The following CSMD1 variants were observed in gnomAD, a reference collection of about 807,000 sequenced individuals.
CSMD1 encodes CUB and Sushi multiple domains 1, also known as CUB and sushi domain-containing protein 1.
Under a neutral mutation model 417.5 loss-of-function variants are expected in CSMD1, and 213 were observed. That is an observed-to-expected ratio of 0.51 (90% confidence interval 0.46 to 0.57). The LOEUF is 0.57. CSMD1 is among the 20% of genes least tolerant of loss of function. The pLI, the probability that CSMD1 is intolerant of heterozygous loss-of-function variation, is 0.00. For synonymous variants in CSMD1, 2,862 were observed against 1,736.8 expected, an observed-to-expected ratio of 1.65 and a Z score of -16.11; for missense variants, 6,923 against 4,529.7, an observed-to-expected ratio of 1.53 and a Z score of -15.17.
chr8:3,097,961 T>C (rs1815443369), intron 46 of CSMD1, among the ~76,000 whole-genome samples: 2 of 152,190 alleles, frequency 1.3e-5, no homozygotes, highest in African/African-American at 4.8e-5. Flanking sequence ...TTTTCTCCTC[T>C]TGCTTTTTGA....
intron 1 of CSMD1, among the ~76,000 whole-genome samples, chr8:4,920,297 C>A (rs1475928419): frequency 1.3e-5 from 2 of 150,596 alleles, no homozygotes; most frequent in Non-Finnish European, 3.0e-5. Context: ...CAAGGCAGTT[C>A]AAGATAAGTC....
chr8:3,067,373 A>T (rs962238783), intron 49 of CSMD1, among the ~76,000 whole-genome samples: 1 of 152,142 alleles, frequency 6.6e-6, no homozygotes, highest in Non-Finnish European at 1.5e-5. Context: ...ATCTCATCAT[A>T]GTCCACTGTA....
chr8:3,882,593 G>C (rs948828090), intron 5 of CSMD1, among the ~76,000 whole-genome samples: 1 of 152,190 alleles, frequency 6.6e-6, no homozygotes, highest in African/African-American at 2.4e-5. Flanking sequence ...AATGTTCATA[G>C]TAGCACTATT....
At chr8:4,848,356 C>G (rs1421051757) in intron 1 of CSMD1, among the ~76,000 whole-genome samples, 1 of 152,180 alleles carries the variant, frequency 6.6e-6, no homozygotes, top group African/African-American at 2.4e-5. Flanking sequence ...GCCACCTATA[C>G]AATGGTGGTC....
At chr8:3,743,866 T>C (rs1345870493) in intron 6 of CSMD1, among the ~76,000 whole-genome samples, 3 of 152,212 alleles carry the variant, frequency 2.0e-5, no homozygotes, top group South Asian at 2.1e-4. Flanking sequence ...GTCTATGTTA[T>C]CGTATGTAAA....
chr8:4,226,450 A>G (rs1801362919), intron 3 of CSMD1, among the ~76,000 whole-genome samples: 2 of 152,196 alleles, frequency 1.3e-5, no homozygotes, highest in South Asian at 4.1e-4. Context: ...CAAAAACAGC[A>G]AAGAATTAAA....
Position 4,397,523 on chromosome 8 carries a change from CTTTTTTTTTTTT to C in CSMD1, c.415+22418_415+22429del, listed in dbSNP as rs57745028. Among the ~76,000 whole-genome samples the C allele has an allele frequency of 2.1e-3, 128 of 59,974 alleles. 2 individuals carry two copies. The highest frequency in any genetic ancestry group is 6.7e-3 in the African/African-American group (111 of 16,490). 39.3% of individuals were successfully genotyped at this position (59,974 alleles called of 152,430 possible). A position where few individuals can be genotyped will look rare whatever the true frequency, so the allele number is the denominator to read the frequency against. Reference sequence around the variant, plus strand: ...GAGCAATGTCAACAAGCCTGAGACTCTTTTTTTTTTTTTTTTTTTTTTTTTTTTTGAGACGGA... The same window carrying C: ...GAGCAATGTCAACAAGCCTGAGACTCTTTTTTTTTTTTTTTTTGAGACGGA... On this transcript the variant is annotated intron_variant, in intron 3 of 69. Coordinates refer to ENST00000635120, the MANE Select transcript of CSMD1 (RefSeq NM_033225.6).
At chr8:3,902,747 T>C (rs1056577961) in intron 5 of CSMD1, among the ~76,000 whole-genome samples, 3 of 152,094 alleles carry the variant, frequency 2.0e-5, no homozygotes, top group African/African-American at 4.8e-5. Flanking sequence ...CCTGCTGAGG[T>C]ACACATTTCT....
chr8:4,808,966 G>C lies in CSMD1; in HGVS notation c.86-171408C>G, dbSNP rs2117323029. 2.0e-5 allele frequency among the ~76,000 whole-genome samples: 3 copies of C among 152,290 alleles called. No homozygotes were observed. In the South Asian group the frequency reaches 6.2e-4, roughly 32 times the overall value. On this transcript the variant is annotated intron_variant, in intron 1 of 69. Coordinates refer to ENST00000635120, the MANE Select transcript of CSMD1 (RefSeq NM_033225.6). ...ATTCTTCAAGAACATAAGAGATCCA[G>C]AAAATCTTGTTTAAAATTGGAGGAC...
chr8:4,818,996 A>T (rs1799366905), intron 1 of CSMD1, among the ~76,000 whole-genome samples: 1 of 152,176 alleles, frequency 6.6e-6, no homozygotes, highest in Admixed American at 6.5e-5. Flanking sequence ...AATGAAAAAA[A>T]ATATTAGCTA....
At chr8:3,938,004 A>G (rs1810622736) in intron 5 of CSMD1, among the ~76,000 whole-genome samples, 1 of 152,198 alleles carries the variant, frequency 6.6e-6, no homozygotes, top group South Asian at 2.1e-4. Context: ...ATAACTAACT[A>G]TAAAACCCAG....
At chr8:3,810,609 C>A (rs944602187) in intron 5 of CSMD1, among the ~76,000 whole-genome samples, 2 of 152,146 alleles carry the variant, frequency 1.3e-5, no homozygotes, top group African/African-American at 4.8e-5. Flanking sequence ...TCCCTTGTCA[C>A]TGGTGACTCA....
intron 2 of CSMD1, among the ~76,000 whole-genome samples, chr8:4,535,017 T>G (rs1440650450): frequency 6.6e-6 from 1 of 152,170 alleles, no homozygotes; most frequent in African/African-American, 2.4e-5. Flanking sequence ...TGCCTCAGCC[T>G]CCCAAAGTGC....
At chr8:4,115,767 C>T (rs1342198782) in intron 3 of CSMD1, among the ~76,000 whole-genome samples, 2 of 151,734 alleles carry the variant, frequency 1.3e-5, no homozygotes, top group Non-Finnish European at 2.9e-5. Context: ...AAGAAATAAG[C>T]TATCAAGCCA....
intron 3 of CSMD1, among the ~76,000 whole-genome samples, chr8:4,168,409 T>C (rs1379058715): frequency 1.3e-5 from 2 of 151,934 alleles, no homozygotes; most frequent in Admixed American, 6.6e-5. Flanking sequence ...TCTCAATATA[T>C]ATTTTACATT....
chr8:4,206,942 G>A (rs1272292456), intron 3 of CSMD1, among the ~76,000 whole-genome samples: 1 of 151,992 alleles, frequency 6.6e-6, no homozygotes. Context: ...CTCTTTGAAT[G>A]GATAAAATGC....
intron 21 of CSMD1, among the ~76,000 whole-genome samples, chr8:3,356,685 C>G (rs1433565011): frequency 6.9e-6 from 1 of 144,240 alleles, no homozygotes; most frequent in African/African-American, 2.5e-5. Flanking sequence ...CAAAACAAAA[C>G]AACAACAACA....
rs1049690974 is a variant in CSMD1 at position 2,960,977 on chromosome 8, T to A, written c.9702+164A>T. 6.2e-5 allele frequency among the ~76,000 whole-genome samples: 9 copies of A among 146,220 alleles called. No individual in the cohort carries two copies. In the Admixed American group the frequency reaches 6.2e-4, roughly 10 times the overall value. On this transcript the variant is annotated intron_variant, in intron 62 of 69. Transcript: ENST00000635120. ...ATATATATATATATACATATATTGA[T>A]TTTGACAGTTAAAAACACATGTAGA...
At chr8:3,412,481 T>C (rs1345538792) in intron 12 of CSMD1, among the ~76,000 whole-genome samples, 1 of 152,178 alleles carries the variant, frequency 6.6e-6, no homozygotes, top group African/African-American at 2.4e-5. Flanking sequence ...GGAGAAACTT[T>C]ACTTCTAAGT....
Sources: gnomAD v4.1 joint callset for allele counts (sites outside exome capture counted in the v4.1 genomes callset) on GRCh38, gnomAD v4.1.1 for gene constraint, MANE v1.5 for transcripts, NCBI Gene and HGNC (gene_info 2026-07-23, HGNC 2026-07-21) for gene names.